The following RAD51B variants were observed in gnomAD, a reference collection of about 807,000 sequenced individuals.
RAD51B encodes RAD51 paralog B.
In RAD51B, 38 loss-of-function variants were observed where a neutral mutation model predicts 42.2. That is an observed-to-expected ratio of 0.90 (90% CI 0.70 to 1.18). The LOEUF is 1.18. Among genes scored for constraint, RAD51B ranks in the 50% most tolerant of loss-of-function variants. The pLI, the probability that RAD51B is intolerant of heterozygous loss-of-function variation, is 0.00. For missense variants in RAD51B, 373 were observed against 400.7 expected, an observed-to-expected ratio of 0.93 and a Z score of 0.59; for synonymous variants, 154 against 145.2, an observed-to-expected ratio of 1.06 and a Z score of -0.43.
intron 8 of RAD51B, among the ~76,000 whole-genome samples, chr14:68,400,744 A>G (rs1385453662): frequency 6.6e-6 from 1 of 152,168 alleles, no homozygotes; most frequent in African/African-American, 2.4e-5. Flanking sequence ...AGTGCCACAG[A>G]TTTCTTTAAA....
intron 10 of RAD51B, among the ~76,000 whole-genome samples, chr14:68,649,195 G>A (rs981939715): frequency 1.3e-5 from 2 of 152,188 alleles, no homozygotes; most frequent in Non-Finnish European, 2.9e-5. Context: ...TGAGCATCTC[G>A]TGGTTGAGCA....
intron 7 of RAD51B, among the ~76,000 whole-genome samples, chr14:67,899,164 T>A (rs2043523293): frequency 6.6e-6 from 1 of 151,900 alleles, no homozygotes; most frequent in Non-Finnish European, 1.5e-5. Flanking sequence ...TGCCTCAGCC[T>A]CCCGAGTAGC....
At chr14:68,232,920 A>G (rs938164633) in intron 7 of RAD51B, among the ~76,000 whole-genome samples, 7 of 152,104 alleles carry the variant, frequency 4.6e-5, no homozygotes, top group African/African-American at 7.2e-5. Flanking sequence ...TGGAAGGGCT[A>G]TGTAGATCAA....
intron 10 of RAD51B, among the ~76,000 whole-genome samples, chr14:68,589,431 G>A (rs1366963965): frequency 3.9e-5 from 6 of 152,132 alleles, no homozygotes; most frequent in Admixed American, 3.9e-4. Flanking sequence ...GTGAGTTAAA[G>A]CTTTAAATAA....
intron 7 of RAD51B, among the ~76,000 whole-genome samples, chr14:68,115,714 G>A (rs1351511489): frequency 6.6e-6 from 1 of 152,086 alleles, no homozygotes; most frequent in Non-Finnish European, 1.5e-5. Flanking sequence ...AACTCAAAGT[G>A]CGGGAATCTT....
intron 5 of RAD51B, among the ~76,000 whole-genome samples, chr14:67,866,924 A>C (rs1204938440): frequency 6.6e-6 from 1 of 152,230 alleles, no homozygotes; most frequent in Admixed American, 6.5e-5. Context: ...TACGTTGCAT[A>C]GTTCACAAGG....
At chr14:67,931,115 G>C (rs1355839898) in intron 7 of RAD51B, among the ~76,000 whole-genome samples, 1 of 151,860 alleles carries the variant, frequency 6.6e-6, no homozygotes, top group African/African-American at 2.4e-5. Context: ...TAGAGACAGG[G>C]TTTCACCGTG....
intron 10 of RAD51B, among the ~76,000 whole-genome samples, chr14:68,573,313 A>T (rs552347196): frequency 2.0e-5 from 3 of 151,014 alleles, no homozygotes; most frequent in African/African-American, 7.3e-5. Flanking sequence ...ACTCTCCTCC[A>T]CTCGGCTGCA....
At chr14:68,128,322 A>G (rs1218527219) in intron 7 of RAD51B, among the ~76,000 whole-genome samples, 1 of 152,222 alleles carries the variant, frequency 6.6e-6, no homozygotes, top group African/African-American at 2.4e-5. Context: ...AGTCAATTAG[A>G]TCGCAAGAGG....
At chr14:68,568,045 A>G (rs570240240) in intron 10 of RAD51B, among the ~76,000 whole-genome samples, 1 of 152,322 alleles carries the variant, frequency 6.6e-6, no homozygotes, top group South Asian at 2.1e-4. Flanking sequence ...TGAAAAAGAA[A>G]CAATTATTGT....
intron 7 of RAD51B, among the ~76,000 whole-genome samples, chr14:68,276,486 A>G (rs2081227860): frequency 6.6e-6 from 1 of 152,136 alleles, no homozygotes; most frequent in Admixed American, 6.5e-5. Context: ...AAGTATTTTC[A>G]TAACATTTTT....
chr14:68,178,393 T>G (rs1264040517), intron 7 of RAD51B, among the ~76,000 whole-genome samples: 1 of 152,194 alleles, frequency 6.6e-6, no homozygotes, highest in African/African-American at 2.4e-5. Flanking sequence ...TTTTCTGTCA[T>G]CCTTCCCCCA....
intron 8 of RAD51B, among the ~76,000 whole-genome samples, chr14:68,375,198 C>T (rs2083342526): frequency 6.6e-6 from 1 of 151,940 alleles, no homozygotes; most frequent in Admixed American, 6.6e-5. Context: ...TGAGGATGTC[C>T]TTTAATCTCT....
At chr14:68,250,940 G>A (rs1461056202) in intron 7 of RAD51B, among the ~76,000 whole-genome samples, 4 of 152,168 alleles carry the variant, frequency 2.6e-5, no homozygotes, top group African/African-American at 9.7e-5. Context: ...AGTTTACCAT[G>A]GTTTTCAGTG....
chr14:68,133,451 G>A (rs2077941271), intron 7 of RAD51B, among the ~76,000 whole-genome samples: 1 of 152,108 alleles, frequency 6.6e-6, no homozygotes, highest in South Asian at 2.1e-4. Context: ...TACCTTCAAA[G>A]ACAGTACTCT....
intron 7 of RAD51B, among the ~76,000 whole-genome samples, chr14:68,156,466 T>TCTCTCTCTCTCG (rs2078511625): frequency 6.7e-6 from 1 of 148,264 alleles, no homozygotes; most frequent in African/African-American, 2.5e-5. Flanking sequence ...TCTCTCTCTC[T>TCTCTCTCTCTCG]CTCTCTCTCT....
intron 8 of RAD51B, among the ~76,000 whole-genome samples, chr14:68,381,830 T>C (rs1368692483): frequency 6.6e-6 from 1 of 152,242 alleles, no homozygotes; most frequent in Non-Finnish European, 1.5e-5. Flanking sequence ...CCCCTTCCAG[T>C]TGCTCTTATT....
At chr14:68,288,170 T>G (rs1474433783) in intron 7 of RAD51B, among the ~76,000 whole-genome samples, 1 of 152,230 alleles carries the variant, frequency 6.6e-6, no homozygotes, top group African/African-American at 2.4e-5. Context: ...ATTTTAAGAG[T>G]ATAGTTTTCA....
chr14:68,040,210 C>G lies in RAD51B; in HGVS notation c.756+153006C>G, dbSNP rs555597017. The stretch of plus-strand genomic sequence containing the variant: ...GAAAGAATTGAACTGCGTTTAAACT[C>G]TACCACACACCTGCTCCTTATAGTA... On this transcript the variant is annotated intron_variant, in intron 7 of 10. Coordinates refer to ENST00000471583, the MANE Select transcript of RAD51B (RefSeq NM_133510.4). Among the ~76,000 whole-genome samples, 4 of 152,276 alleles carry G rather than the reference C, an allele frequency of 2.6e-5. No individual in the cohort carries two copies. The South Asian group carries it at 8.3e-4, about 32-fold the overall frequency.
Sources: allele counts gnomAD v4.1 joint callset (sites outside exome capture counted in the v4.1 genomes callset), GRCh38; gene constraint gnomAD v4.1.1; transcripts MANE v1.5; gene names NCBI Gene and HGNC (gene_info 2026-07-23, HGNC 2026-07-21).